Variants in ZNF385D observed in about 807,000 individuals in gnomAD.
ZNF385D encodes the protein zinc finger protein 659.
ZNF385D carries 15 observed loss-of-function variants against 35.8 expected under a neutral mutation model. That is an observed-to-expected ratio of 0.42 (90% CI 0.28 to 0.64). The LOEUF is 0.64. ZNF385D is among the 30% of genes least tolerant of loss of function. The probability of loss-of-function intolerance (pLI) is 0.23; values close to 1 mark genes in which losing one functional copy is unlikely to be tolerated. For missense variants in ZNF385D, 474 were observed against 494.6 expected (o/e 0.96, Z 0.39); for synonymous variants, 212 against 186.8 (o/e 1.13, Z -1.10).
intron 3 of ZNF385D, among the ~76,000 whole-genome samples, chr3:21,901,195 T>C (rs1307191659): frequency 2.6e-5 from 4 of 152,222 alleles, no homozygotes; most frequent in Non-Finnish European, 4.4e-5. Flanking sequence ...TTTAAGGTCA[T>C]AGAACGGTTA....
At chr3:21,608,938 A>C (rs77163338) in intron 2 of ZNF385D, among the ~76,000 whole-genome samples, 2,189 of 152,302 alleles carry the variant, frequency 0.014, 58 homozygotes, top group African/African-American at 0.049. Flanking sequence ...AGGAGGAAAA[A>C]AATTTTAAAC....
intron 3 of ZNF385D, among the ~76,000 whole-genome samples, chr3:21,896,776 C>T (rs1222331783): frequency 1.3e-5 from 2 of 151,426 alleles, no homozygotes; most frequent in Non-Finnish European, 1.5e-5. Context: ...TCTTGACATT[C>T]GCACTAGGTT....
chr3:22,168,878 A>G lies in ZNF385D; in HGVS notation c.264T>C (p.Asn88=), dbSNP rs1706507788. 5.1e-6 allele frequency: 5 copies of G among 985,690 alleles called. No individual in the cohort carries two copies. In the South Asian group the frequency reaches 2.3e-4, roughly 46 times the overall value. The allele number at this position is 985,690 out of a possible 1,614,324, so 61.1% of individuals were successfully genotyped here. The change falls in exon 3 of 6, where the codon AAT becomes AAC. Residue 88 remains asparagine, a synonymous_variant. Coordinates refer to the ZNF385D transcript ENST00000494108. ...TTAATCTCTTTTGATGTGATTTGCC[A>G]TTGTAGTGGATTTGTGCTTGAGCGG...
intron 3 of ZNF385D, among the ~76,000 whole-genome samples, chr3:21,903,607 T>C (rs1699526745): frequency 6.6e-6 from 1 of 152,196 alleles, no homozygotes; most frequent in Admixed American, 6.5e-5. Context: ...TAAAAATTTC[T>C]CAAAATTCAT....
At chr3:22,206,597 TA>T (rs1343626214) in intron 2 of ZNF385D, among the ~76,000 whole-genome samples, 1 of 151,732 alleles carries the variant, frequency 6.6e-6, no homozygotes, top group Non-Finnish European at 1.5e-5. Context: ...CCACCATGAA[TA>T]AAACTAGAAA....
At chr3:21,670,208 A>G (rs1395050208) in intron 1 of ZNF385D, among the ~76,000 whole-genome samples, 2 of 152,030 alleles carry the variant, frequency 1.3e-5, no homozygotes, top group Non-Finnish European at 1.5e-5. Flanking sequence ...TATCTTTAGT[A>G]TCTTTTCCCT....
intron 4 of ZNF385D, among the ~76,000 whole-genome samples, chr3:21,489,878 G>A (rs185046434): frequency 1.4e-4 from 22 of 152,170 alleles, no homozygotes; most frequent in African/African-American, 5.3e-4. Context: ...TCTGGTTATG[G>A]AGACCTCTTT....
intron 3 of ZNF385D, among the ~76,000 whole-genome samples, chr3:21,869,445 G>A (rs990838393): frequency 1.3e-5 from 2 of 152,054 alleles, no homozygotes; most frequent in African/African-American, 4.8e-5. Context: ...CCTAAAGTGG[G>A]AATATATATT....
chr3:21,837,090 T>C (rs1259430748), intron 3 of ZNF385D, among the ~76,000 whole-genome samples: 1 of 152,154 alleles, frequency 6.6e-6, no homozygotes, highest in Non-Finnish European at 1.5e-5. Context: ...TTTTTTCATA[T>C]GATGCTAGCA....
intron 1 of ZNF385D, among the ~76,000 whole-genome samples, chr3:21,671,270 C>T (rs552826611): frequency 3.3e-5 from 5 of 151,900 alleles, no homozygotes; most frequent in Non-Finnish European, 7.4e-5. Flanking sequence ...CTGCAGGCTG[C>T]AAACGTTTAT....
intron 4 of ZNF385D, among the ~76,000 whole-genome samples, chr3:21,475,794 C>A (rs1297462720): frequency 6.6e-6 from 1 of 152,000 alleles, no homozygotes; most frequent in Non-Finnish European, 1.5e-5. Flanking sequence ...ATTTTATAGA[C>A]ACTTAAATTT....
At chr3:21,803,467 T>A (rs555810488) in intron 3 of ZNF385D, among the ~76,000 whole-genome samples, 3 of 152,330 alleles carry the variant, frequency 2.0e-5, no homozygotes, top group East Asian at 3.9e-4. Flanking sequence ...CAAACTAATA[T>A]GATTGTATAA....
rs546993469 is a variant in ZNF385D at position 21,740,148 on chromosome 3, G to A, written c.22+10747C>T. On this transcript the variant is annotated intron_variant, in intron 1 of 7. Coordinates refer to ENST00000281523, the MANE Select transcript of ZNF385D (RefSeq NM_024697.3). ...AGGCAACATGGAATCATTTGTCACC[G>A]TAATTGGAGCTCAAACCATGGACCA... 1.5e-4 allele frequency among the ~76,000 whole-genome samples: 23 copies of A among 152,286 alleles called. No individual in the cohort carries two copies. The East Asian group carries it at 3.5e-3, about 23-fold the overall frequency.
chr3:22,266,243 C>T (rs1317881506), intron 2 of ZNF385D, among the ~76,000 whole-genome samples: 1 of 151,974 alleles, frequency 6.6e-6, no homozygotes, highest in Non-Finnish European at 1.5e-5. Flanking sequence ...AATCAAGCTG[C>T]TTCTTTTTCT....
intron 2 of ZNF385D, among the ~76,000 whole-genome samples, chr3:22,210,086 T>C (rs35655804): frequency 0.17 from 26,392 of 151,716 alleles, 2,466 homozygotes; most frequent in African/African-American, 0.2. Context: ...TAAGATGTAA[T>C]TTCAAACCAT....
intron 2 of ZNF385D, among the ~76,000 whole-genome samples, chr3:21,588,783 C>T (rs2063887254): frequency 6.6e-6 from 1 of 152,094 alleles, no homozygotes; most frequent in African/African-American, 2.4e-5. Context: ...CCATGACCTA[C>T]TAGACATCAA....
At chr3:21,708,976 C>T (rs1289195399) in intron 1 of ZNF385D, among the ~76,000 whole-genome samples, 3 of 151,998 alleles carry the variant, frequency 2.0e-5, no homozygotes, top group South Asian at 2.1e-4. Context: ...AGGTTTGTTT[C>T]GAAAGCTTCC....
intron 3 of ZNF385D, among the ~76,000 whole-genome samples, chr3:21,535,333 T>G (rs1259448862): frequency 6.6e-6 from 1 of 152,160 alleles, no homozygotes; most frequent in Non-Finnish European, 1.5e-5. Context: ...ACTGATTCTT[T>G]CAGTACCTTT....
chr3:21,777,297 TA>T (rs2071325968), intron 3 of ZNF385D, among the ~76,000 whole-genome samples: 1 of 151,944 alleles, frequency 6.6e-6, no homozygotes, highest in South Asian at 2.1e-4. Flanking sequence ...ATTTACCTTT[TA>T]AAAAAATAAA....
Sources: gnomAD v4.1 joint callset for allele counts (sites outside exome capture counted in the v4.1 genomes callset) on GRCh38, gnomAD v4.1.1 for gene constraint, MANE v1.5 for transcripts, NCBI Gene and HGNC (gene_info 2026-07-23, HGNC 2026-07-21) for gene names.